Variants in ATP13A4 observed in about 807,000 individuals in gnomAD.
ATP13A4 encodes the protein probable cation-transporting ATPase 13A4.
Under a neutral mutation model 142.5 loss-of-function variants are expected in ATP13A4, and 114 were observed. The observed-to-expected ratio is 0.80, with a 90% CI of 0.69 to 0.93. The LOEUF is 0.93. Among genes scored for constraint, ATP13A4 ranks in the 40% least tolerant of loss-of-function variants. The pLI is 0.00. For synonymous variants in ATP13A4, 488 were observed against 514.8 expected, an observed-to-expected ratio of 0.95 and a Z score of 0.70; for missense variants, 1,392 against 1,454.0, an observed-to-expected ratio of 0.96 and a Z score of 0.69.
At chr3:193,402,895 C>G (rs1335784153) in intron 29 of ATP13A4, 31 bp from the exon 30 acceptor site, 1 of 1,599,782 alleles carries the variant, frequency 6.3e-7, no homozygotes, top group East Asian at 2.2e-5. Flanking sequence ...TTTTTACAAG[C>G]AAGGGTTGAG....
At chr3:193,551,940 C>A (rs1231432499) in intron 1 of ATP13A4, among the ~76,000 whole-genome samples, 1 of 152,062 alleles carries the variant, frequency 6.6e-6, no homozygotes. Flanking sequence ...TTCCTGTTTG[C>A]TTTTGGTTTG....
chr3:193,442,927 T>C (rs568663208), intron 18 of ATP13A4, among the ~76,000 whole-genome samples: 15 of 152,204 alleles, frequency 9.9e-5, no homozygotes, highest in Non-Finnish European at 2.2e-4. Context: ...CACTAGGATG[T>C]ATCTCTCCCA....
intron 1 of ATP13A4, among the ~76,000 whole-genome samples, chr3:193,528,129 T>C (rs1297711849): frequency 1.3e-5 from 2 of 152,214 alleles, no homozygotes; most frequent in Non-Finnish European, 2.9e-5. Flanking sequence ...TGCAAATTGG[T>C]GCATGTTGTG....
At chr3:193,491,472 A>T in intron 5 of ATP13A4, 74 bp from the exon 6 acceptor site, 1 of 1,091,760 alleles carries the variant, frequency 9.2e-7, no homozygotes. Flanking sequence ...ATTCAGAAAA[A>T]GGTCTATTCC....
intron 9 of ATP13A4, among the ~76,000 whole-genome samples, chr3:193,469,900 G>A (rs1576996296): frequency 1.3e-5 from 2 of 152,336 alleles, no homozygotes; most frequent in East Asian, 1.9e-4. Flanking sequence ...CACTGCAGAA[G>A]TCCCAGCATT....
chr3:193,459,003 A>G, intron 14 of ATP13A4, 78 bp downstream of exon 14: 1 of 1,583,432 alleles, frequency 6.3e-7, no homozygotes, highest in South Asian at 1.1e-5. Flanking sequence ...TTTTATAAGA[A>G]TTAGATAGCT....
intron 25 of ATP13A4, among the ~76,000 whole-genome samples, chr3:193,432,962 A>G (rs1031918341): frequency 6.6e-6 from 1 of 152,158 alleles, no homozygotes; most frequent in African/African-American, 2.4e-5. Context: ...AATGTAAACG[A>G]TGGACTTTGG....
At chr3:193,541,522 T>G (rs867781122) in intron 1 of ATP13A4, among the ~76,000 whole-genome samples, 8 of 152,124 alleles carry the variant, frequency 5.3e-5, no homozygotes, top group Admixed American at 2.6e-4. Flanking sequence ...CTGAAAACTT[T>G]AAATACTATT....
At chr3:193,576,120 C>G (rs1214363520) in intron 2 of ATP13A4, among the ~76,000 whole-genome samples, 1 of 152,084 alleles carries the variant, frequency 6.6e-6, no homozygotes, top group Non-Finnish European at 1.5e-5. Flanking sequence ...TTGAGGAATC[C>G]TGATTTAGAG....
At chr3:193,444,783 C>T (rs1261436725) in intron 18 of ATP13A4, among the ~76,000 whole-genome samples, 2 of 152,230 alleles carry the variant, frequency 1.3e-5, no homozygotes, top group African/African-American at 4.8e-5. Context: ...CTATCCTTAA[C>T]ATAGCTTCTC....
At chr3:193,509,063 A>C (rs1161763150) in intron 2 of ATP13A4, among the ~76,000 whole-genome samples, 1 of 152,052 alleles carries the variant, frequency 6.6e-6, no homozygotes, top group Non-Finnish European at 1.5e-5. Context: ...TACAAAAAGG[A>C]ATCCAGCACA....
At chr3:193,456,879 C>A in intron 16 of ATP13A4, 121 bp downstream of exon 16, 1 of 1,220,940 alleles carries the variant, frequency 8.2e-7, no homozygotes, top group Middle Eastern at 1.9e-4. Flanking sequence ...ATTTGGAATG[C>A]CAGTGAGCCA....
chr3:193,410,941 A>G lies in ATP13A4; in HGVS notation c.3297+41T>C, dbSNP rs771892085. On this transcript the variant is annotated intron_variant, in intron 28 of 29. Transcript: ENST00000342695. ...CTGCTTTTTAAAGTTAAACTGTTAC[A>G]TAACTGTAAAGCATCATCATATCCC... The G allele has an allele frequency of 5.6e-6, 7 of 1,258,706 alleles. No homozygotes were observed. In the African/African-American group the frequency reaches 7.4e-5, roughly 13 times the overall value. The allele number at this position is 1,258,706 out of a possible 1,614,324, so 78.0% of individuals were successfully genotyped here.
At chr3:193,463,653 A>G (rs1224713795) in intron 12 of ATP13A4, among the ~76,000 whole-genome samples, 1 of 152,134 alleles carries the variant, frequency 6.6e-6, no homozygotes. Flanking sequence ...GTAAAAGCTA[A>G]TAATAATCAT....
chr3:193,591,908 T>C (rs1161972632), intron 1 of ATP13A4, among the ~76,000 whole-genome samples: 1 of 152,170 alleles, frequency 6.6e-6, no homozygotes, highest in Non-Finnish European at 1.5e-5. Context: ...CAGGAAGATC[T>C]ACAGTTTGCA....
chr3:193,484,374 G>A (rs185127309), intron 7 of ATP13A4, among the ~76,000 whole-genome samples: 59 of 151,806 alleles, frequency 3.9e-4, no homozygotes, highest in African/African-American at 1.4e-3. Context: ...GGTGGTTCCT[G>A]CTACTTCCTC....
rs1227627874 is a variant in ATP13A4 at position 193,517,331 on chromosome 3, T to C, written c.61-2460A>G. ...ACAAACAGCTAAGATTAAACAAGGT[T>C]AGAGCAATAAAGGGTTACATGGAGA... On this transcript the variant is annotated intron_variant, in intron 1 of 29. Transcript: ENST00000342695. Among the ~76,000 whole-genome samples the C allele has an allele frequency of 9.2e-5, 14 of 152,282 alleles. No individual in the cohort carries two copies. The East Asian group carries it at 2.5e-3, about 27-fold the overall frequency.
At chr3:193,530,219 T>C (rs1722242561) in intron 1 of ATP13A4, among the ~76,000 whole-genome samples, 1 of 152,186 alleles carries the variant, frequency 6.6e-6, no homozygotes, top group Non-Finnish European at 1.5e-5. Flanking sequence ...CGGTTTTTGT[T>C]TGTTTTTGCT....
At chr3:193,489,248 C>A (rs1719807980) in intron 7 of ATP13A4, among the ~76,000 whole-genome samples, 1 of 151,968 alleles carries the variant, frequency 6.6e-6, no homozygotes, top group African/African-American at 2.4e-5. Flanking sequence ...CCAATCTGTT[C>A]TATGTAATTT....
Sources: allele counts gnomAD v4.1 joint callset (sites outside exome capture counted in the v4.1 genomes callset), GRCh38; gene constraint gnomAD v4.1.1; transcripts MANE v1.5; gene names NCBI Gene and HGNC (gene_info 2026-07-23, HGNC 2026-07-21).